Variants in ZBTB16 observed in about 807,000 individuals in gnomAD.
The protein encoded by ZBTB16 is zinc finger and BTB domain-containing protein 16.
A neutral mutation model predicts 56.8 loss-of-function variants in ZBTB16; 8 were observed. That is an observed-to-expected ratio of 0.14 (90% CI 0.08 to 0.25). The LOEUF (loss-of-function observed/expected upper bound fraction) is 0.25. Ranked by LOEUF, ZBTB16 falls within the 10% of genes least tolerant of loss-of-function variation. ZBTB16 has a pLI of 1.00. For missense variants in ZBTB16, 625 were observed against 903.0 expected (o/e 0.69, Z 3.95); for synonymous variants, 363 against 368.5 (o/e 0.98, Z 0.17).
chr11:114,177,824 G>GCCT (rs1943153392), intron 3 of ZBTB16, among the ~76,000 whole-genome samples: 2 of 152,182 alleles, frequency 1.3e-5, no homozygotes, highest in East Asian at 3.8e-4. Flanking sequence ...TTTGGAGACA[G>GCCT]AGTATCACTC....
chr11:114,118,144 G>A (rs1404263392), intron 2 of ZBTB16, among the ~76,000 whole-genome samples: 1 of 152,192 alleles, frequency 6.6e-6, no homozygotes, highest in Non-Finnish European at 1.5e-5. Flanking sequence ...AAAATCCACA[G>A]GGTCTAGAGA....
In ZBTB16 at chr11:114,214,136, C is replaced by T. The variant is rs142388683; in HGVS notation, c.1453+27098C>T. On this transcript the variant is annotated intron_variant, in intron 4 of 6. Transcript: ENST00000335953. ...GGAATTTAGAGAAGGAATATGTTAA[C>T]GAGGACACAGTATTTAGTCTCATGT... 2.6e-3 allele frequency among the ~76,000 whole-genome samples: 389 copies of T among 152,186 alleles called. 1 individual carries two copies. The highest frequency in any genetic ancestry group is 8.9e-3 in the African/African-American group (371 of 41,508).
At chr11:114,230,690 T>C (rs1331170680) in intron 4 of ZBTB16, among the ~76,000 whole-genome samples, 6 of 151,392 alleles carry the variant, frequency 4.0e-5, no homozygotes, top group Non-Finnish European at 8.8e-5. Context: ...ATACATCCTC[T>C]CCTTTTTTGT....
intron 2 of ZBTB16, among the ~76,000 whole-genome samples, chr11:114,091,213 T>G (rs1417300470): frequency 6.6e-6 from 1 of 152,170 alleles, no homozygotes; most frequent in Non-Finnish European, 1.5e-5. Context: ...CGGGACGTTG[T>G]GGCATGCACC....
chr11:114,103,148 A>G (rs1226010631), intron 2 of ZBTB16, among the ~76,000 whole-genome samples: 1 of 152,230 alleles, frequency 6.6e-6, no homozygotes, highest in African/African-American at 2.4e-5. Context: ...TTCGACTGTA[A>G]GGGCTGAGGG....
intron 2 of ZBTB16, among the ~76,000 whole-genome samples, chr11:114,082,857 T>C (rs1939817653): frequency 6.6e-6 from 1 of 152,074 alleles, no homozygotes; most frequent in African/African-American, 2.4e-5. Context: ...TCTCTTTTAA[T>C]AGAAACCCAG....
At position 114,094,798 on chromosome 11, in the gene ZBTB16, A is replaced by G. The variant is rs998996998; in HGVS notation, c.1268+30230A>G. On this transcript the variant is annotated intron_variant, in intron 2 of 6. Coordinates refer to ENST00000335953, the MANE Select transcript of ZBTB16 (RefSeq NM_006006.6). Reference sequence around the variant, plus strand: ...GAGGTCCCTGGCCCAAGGGGCTTCCATGGTTGGAGTGGTCGTCAGCCGAAA... The same window carrying G: ...GAGGTCCCTGGCCCAAGGGGCTTCCGTGGTTGGAGTGGTCGTCAGCCGAAA... Among the ~76,000 whole-genome samples, 4 of 152,156 alleles carry G rather than the reference A, an allele frequency of 2.6e-5. No homozygotes were observed. The South Asian group carries it at 6.2e-4, about 24-fold the overall frequency.
chr11:114,083,825 T>G (rs1276751743), intron 2 of ZBTB16, among the ~76,000 whole-genome samples: 5 of 151,828 alleles, frequency 3.3e-5, no homozygotes, highest in Non-Finnish European at 7.4e-5. Context: ...TTCTGCTCTG[T>G]GGGTGATACT....
rs949645014 is a variant in ZBTB16, at chr11:114,064,588, C to T, written c.1268+20C>T. 5.0e-6 allele frequency: 8 copies of T among 1,612,562 alleles called. No individual in the cohort carries two copies. Among genetic ancestry groups the T allele is most frequent in the Admixed American group, 3.3e-5 (2 of 59,996 alleles). ...GCACAGGTAGGCCCCGCTCCAGCCC[C>T]GCACCTGATGTAGGACTTGAGGCCC... On this transcript the variant is annotated intron_variant, in intron 2 of 6. Transcript: ENST00000335953. The surrounding 1 kb of genome is among the most constrained non-coding windows in gnomAD (Gnocchi z 4.2).
intron 4 of ZBTB16, among the ~76,000 whole-genome samples, chr11:114,238,324 C>T (rs943025705): frequency 1.8e-4 from 27 of 152,192 alleles, no homozygotes; most frequent in Admixed American, 1.5e-3. Context: ...TCAAGTCAGG[C>T]TGCTATAACA....
At chr11:114,110,118 G>T (rs1321535508) in intron 2 of ZBTB16, among the ~76,000 whole-genome samples, 1 of 152,100 alleles carries the variant, frequency 6.6e-6, no homozygotes, top group African/African-American at 2.4e-5. Context: ...GTGTGCTGGG[G>T]GGCGGTATTT....
intron 5 of ZBTB16, among the ~76,000 whole-genome samples, chr11:114,246,541 A>G (rs1944821237): frequency 6.6e-6 from 1 of 152,202 alleles, no homozygotes; most frequent in Admixed American, 6.5e-5. Context: ...CCACACTAAT[A>G]ACAGAACAAA....
At chr11:114,157,606 T>C (rs184113866) in intron 3 of ZBTB16, among the ~76,000 whole-genome samples, 76 of 152,280 alleles carry the variant, frequency 5.0e-4, no homozygotes, top group Non-Finnish European at 7.9e-4. Flanking sequence ...CCTGAGCCCA[T>C]CATGGGTACA....
intron 2 of ZBTB16, among the ~76,000 whole-genome samples, chr11:114,119,435 C>A (rs1591685145): frequency 6.6e-6 from 1 of 151,868 alleles, no homozygotes; most frequent in South Asian, 2.1e-4. Flanking sequence ...CTTTGCTGAC[C>A]TGGACTGGCC....
At chr11:114,187,922 T>C (rs1943401099) in intron 4 of ZBTB16, 2 of 158,410 alleles carry the variant, frequency 1.3e-5, no homozygotes, top group Non-Finnish European at 2.7e-5. Context: ...GGTTGCATGC[T>C]CCTTATGAGA....
chr11:114,244,056 C>G (rs955029543), intron 5 of ZBTB16, among the ~76,000 whole-genome samples: 2 of 152,186 alleles, frequency 1.3e-5, no homozygotes, highest in Non-Finnish European at 2.9e-5. Context: ...ACTGCGCACA[C>G]AAGCCATATA....
At chr11:114,080,098 C>CG (rs1939707164) in intron 2 of ZBTB16, among the ~76,000 whole-genome samples, 1 of 152,082 alleles carries the variant, frequency 6.6e-6, no homozygotes, top group African/African-American at 2.4e-5. Flanking sequence ...CCCTACACCC[C>CG]GGGGAGTAGG....
intron 2 of ZBTB16, among the ~76,000 whole-genome samples, chr11:114,146,144 T>C (rs1942093568): frequency 6.6e-6 from 1 of 152,148 alleles, no homozygotes; most frequent in Admixed American, 6.5e-5. Context: ...TTGCCTTCCC[T>C]GTAGAAGGTT....
At position 114,209,385 on chromosome 11, in the gene ZBTB16, G is replaced by A. The variant is rs189712859; in HGVS notation, c.1453+22347G>A. On this transcript the variant is annotated intron_variant, in intron 4 of 6. Transcript: ENST00000335953. ...CTGTTTTTCAGGTTAATGGTGTCTG[G>A]GATTTGTGGAGGGAGGAAGGATATA... is the stretch of plus-strand genomic sequence containing the variant. The A allele has an allele frequency of 6.3e-3, 6,193 of 985,340 alleles. 17 individuals carry two copies. Among genetic ancestry groups the A allele is most frequent in the Non-Finnish European group, 7.0e-3 (5,777 of 829,926 alleles). 61.0% of individuals were successfully genotyped at this position (985,340 alleles called of 1,614,324 possible).
Sources: gnomAD v4.1 joint callset for allele counts (sites outside exome capture counted in the v4.1 genomes callset) on GRCh38, gnomAD v4.1.1 for gene constraint, Gnocchi (gnomAD v3.1) non-coding constraint, MANE v1.5 for transcripts, NCBI Gene and HGNC (gene_info 2026-07-23, HGNC 2026-07-21) for gene names.